Variants in KHDRBS2 observed in about 807,000 individuals in gnomAD.
The protein encoded by KHDRBS2 is KH domain-containing, RNA-binding, signal transduction-associated protein 2.
Under a neutral mutation model 44.3 loss-of-function variants are expected in KHDRBS2, and 26 were observed. That is an observed-to-expected ratio of 0.59 (90% CI 0.43 to 0.81). The LOEUF (loss-of-function observed/expected upper bound fraction) is 0.81. KHDRBS2 is among the 40% of genes least tolerant of loss of function. The probability of loss-of-function intolerance (pLI) is 0.00; values close to 1 mark genes in which losing one functional copy is unlikely to be tolerated. For missense variants in KHDRBS2, 476 were observed against 433.1 expected (o/e 1.10, Z -0.88); for synonymous variants, 194 against 151.1 (o/e 1.28, Z -2.08).
chr6:61,875,980 T>C (rs1247609955), intron 6 of KHDRBS2, among the ~76,000 whole-genome samples: 1 of 152,086 alleles, frequency 6.6e-6, no homozygotes, highest in Non-Finnish European at 1.5e-5. Context: ...GGTATACTCC[T>C]CTCATATTTA....
Position 62,077,056 on chromosome 6 carries a change from T to TA in KHDRBS2, c.220-29063dup, listed in dbSNP as rs551868100. On this transcript the variant is annotated intron_variant, in intron 2 of 8. Coordinates refer to ENST00000281156, the MANE Select transcript of KHDRBS2 (RefSeq NM_152688.4). The stretch of plus-strand genomic sequence containing the variant: ...GCAAGATCCTACATCTAAAAAAATA[T>TA]AAAAAAATGAATAATAAATTTACTC... Among the ~76,000 whole-genome samples, 297 of 151,998 alleles carry TA rather than the reference T, an allele frequency of 2.0e-3. 1 individual carries two copies. Among genetic ancestry groups the TA allele is most frequent in the African/African-American group, 6.6e-3 (275 of 41,482 alleles).
At chr6:61,923,782 T>A (rs1808479414) in intron 4 of KHDRBS2, among the ~76,000 whole-genome samples, 2 of 152,074 alleles carry the variant, frequency 1.3e-5, no homozygotes, top group South Asian at 4.1e-4. Context: ...TCTCACCACT[T>A]CTAGTCAACA....
chr6:62,200,931 T>C (rs993741314), intron 1 of KHDRBS2, among the ~76,000 whole-genome samples: 2 of 152,152 alleles, frequency 1.3e-5, no homozygotes, highest in African/African-American at 4.8e-5. Flanking sequence ...TCATGTTCTT[T>C]GTAGGGGCAT....
chr6:61,951,567 C>T (rs1764746128), intron 4 of KHDRBS2, among the ~76,000 whole-genome samples: 1 of 151,974 alleles, frequency 6.6e-6, no homozygotes, highest in South Asian at 2.1e-4. Flanking sequence ...TGTATAACAC[C>T]TTGGAATGCT....
chr6:61,784,861 T>C (rs976539435), intron 6 of KHDRBS2, among the ~76,000 whole-genome samples: 5 of 152,150 alleles, frequency 3.3e-5, no homozygotes, highest in African/African-American at 4.8e-5. Flanking sequence ...TAAAAATATA[T>C]GCATGCACTG....
intron 6 of KHDRBS2, among the ~76,000 whole-genome samples, chr6:61,745,259 A>C (rs1000303481): frequency 4.6e-5 from 7 of 152,180 alleles, no homozygotes; most frequent in Non-Finnish European, 7.3e-5. Context: ...CTCTAGTATG[A>C]TAAGAAAGGA....
At chr6:62,276,053 C>T (rs186013173) in intron 1 of KHDRBS2, among the ~76,000 whole-genome samples, 1 of 152,290 alleles carries the variant, frequency 6.6e-6, no homozygotes, top group East Asian at 1.9e-4. Flanking sequence ...GAGTTGCAGT[C>T]AGGGCTCATC....
intron 7 of KHDRBS2, among the ~76,000 whole-genome samples, chr6:61,711,664 CA>C (rs143596100): frequency 7.3e-4 from 111 of 151,874 alleles, no homozygotes; most frequent in African/African-American, 2.6e-3. Flanking sequence ...GTAATAGTGC[CA>C]TTTTTTTGTG....
the KHDRBS2 span, among the ~76,000 whole-genome samples, chr6:61,545,137 T>G: frequency 6.6e-6 from 1 of 152,010 alleles, no homozygotes; most frequent in African/African-American, 2.4e-5. Context: ...GCTCAATGTT[T>G]TGTCTGGCTT....
chr6:62,183,618 G>A (rs1226331500), intron 1 of KHDRBS2, among the ~76,000 whole-genome samples: 4 of 151,652 alleles, frequency 2.6e-5, no homozygotes, highest in African/African-American at 9.6e-5. Flanking sequence ...TAATTATCGA[G>A]AAGACTTCAA....
chr6:61,972,354 G>A (rs1278320841), intron 4 of KHDRBS2, among the ~76,000 whole-genome samples: 3 of 152,026 alleles, frequency 2.0e-5, no homozygotes, highest in Non-Finnish European at 4.4e-5. Flanking sequence ...CAGATAAGAA[G>A]AAATACTCCA....
At chr6:61,818,111 A>G (rs1326481593) in intron 6 of KHDRBS2, among the ~76,000 whole-genome samples, 3 of 151,940 alleles carry the variant, frequency 2.0e-5, no homozygotes, top group East Asian at 3.9e-4. Flanking sequence ...TTCTTATTCA[A>G]CTTGCCAAGA....
chr6:61,606,478 C>A, the KHDRBS2 span, among the ~76,000 whole-genome samples: 1 of 151,692 alleles, frequency 6.6e-6, no homozygotes, highest in Non-Finnish European at 1.5e-5. Flanking sequence ...GGAGAAAAGG[C>A]ATAAAAAATT....
intron 4 of KHDRBS2, among the ~76,000 whole-genome samples, chr6:61,947,164 C>T (rs1813548518): frequency 6.6e-6 from 1 of 152,168 alleles, no homozygotes; most frequent in Admixed American, 6.6e-5. Context: ...AGCTGACAAT[C>T]ATCCATTTCC....
intron 6 of KHDRBS2, among the ~76,000 whole-genome samples, chr6:61,819,118 C>T (rs1200518336): frequency 6.6e-6 from 1 of 151,484 alleles, no homozygotes; most frequent in East Asian, 1.9e-4. Flanking sequence ...TATCTTAATG[C>T]ATTTTAACCA....
At chr6:61,893,604 A>G (rs1227254888) in intron 6 of KHDRBS2, among the ~76,000 whole-genome samples, 2 of 152,194 alleles carry the variant, frequency 1.3e-5, no homozygotes, top group Non-Finnish European at 2.9e-5. Context: ...TTGTAGGGAC[A>G]TGGATGAAGC....
chr6:61,696,596 A>G (rs1582212400), intron 8 of KHDRBS2, among the ~76,000 whole-genome samples: 4 of 152,094 alleles, frequency 2.6e-5, no homozygotes, highest in Admixed American at 2.6e-4. Flanking sequence ...TGTCTCAAAC[A>G]TGATGTACTG....
Position 61,975,653 on chromosome 6 carries a change from GCA to G in KHDRBS2, c.483+2411_483+2412del, listed in dbSNP as rs567222441. On this transcript the variant is annotated intron_variant, in intron 4 of 8. Transcript: ENST00000281156. The stretch of plus-strand genomic sequence containing the variant: ...CACAGAAATCAAAGATAAGCAAGAT[GCA>G]CACACACACACACACACACACACAC... 7.1e-4 allele frequency among the ~76,000 whole-genome samples: 63 copies of G among 88,268 alleles called. 1 individual carries two copies. The highest frequency in any genetic ancestry group is 1.2e-3 in the South Asian group (3 of 2,422). The allele number at this position is 88,268 out of a possible 152,430, so 57.9% of individuals were successfully genotyped here.
At chr6:62,051,592 T>C (rs1789056862) in intron 2 of KHDRBS2, among the ~76,000 whole-genome samples, 1 of 151,974 alleles carries the variant, frequency 6.6e-6, no homozygotes, top group Non-Finnish European at 1.5e-5. Context: ...AATTTTTGGA[T>C]GTCATACCAA....
Sources: gnomAD v4.1 joint callset for allele counts (sites outside exome capture counted in the v4.1 genomes callset) on GRCh38, gnomAD v4.1.1 for gene constraint, MANE v1.5 for transcripts, NCBI Gene and HGNC (gene_info 2026-07-23, HGNC 2026-07-21) for gene names.